The following TLN2 variants were observed in gnomAD, a reference collection of about 807,000 sequenced individuals.
TLN2 encodes talin-2.
In TLN2, 118 loss-of-function variants were observed where a neutral mutation model predicts 294.7. That is an observed-to-expected ratio of 0.40 (90% CI 0.34 to 0.47). The LOEUF (loss-of-function observed/expected upper bound fraction) is 0.47. TLN2 is among the 20% of genes least tolerant of loss of function. TLN2 has a pLI of 0.84. For missense variants in TLN2, 3,083 were observed against 3,282.2 expected, an observed-to-expected ratio of 0.94 and a Z score of 1.48; for synonymous variants, 1,431 against 1,304.5, an observed-to-expected ratio of 1.10 and a Z score of -2.09.
At chr15:62,504,479 A>G (rs1323288054) in intron 1 of TLN2, among the ~76,000 whole-genome samples, 4 of 152,234 alleles carry the variant, frequency 2.6e-5, no homozygotes, top group African/African-American at 9.6e-5. Context: ...AAAAGCAGCC[A>G]TATTAGATGG....
chr15:62,782,292 A>G (rs2064245299), intron 44 of TLN2, among the ~76,000 whole-genome samples: 1 of 152,178 alleles, frequency 6.6e-6, no homozygotes, highest in East Asian at 1.9e-4. Flanking sequence ...GGGCTGGGGA[A>G]TGGTACACCC....
chr15:62,728,391 G>T (rs11071689), intron 28 of TLN2, among the ~76,000 whole-genome samples: 145,322 of 152,252 alleles, frequency 0.95, 69,490 homozygotes, highest in East Asian at 1. Flanking sequence ...TTGGGTTGTT[G>T]CCAAAAGACA....
Position 62,635,953 on chromosome 15 carries a change from C to T in TLN2, c.-36-11322C>T, listed in dbSNP as rs549055407. Among the ~76,000 whole-genome samples, 230 of 152,192 alleles carry T rather than the reference C, an allele frequency of 1.5e-3. 2 individuals are homozygous for T. The highest frequency in any genetic ancestry group is 3.4e-3 in the Middle Eastern group (1 of 294). ...GAACCCCCAGATCCGTGGCCTTGGT[C>T]GAGTTCACATGACTACTCTGTTTTG... On this transcript the variant is annotated intron_variant, in intron 3 of 58. Coordinates refer to ENST00000636159, the MANE Select transcript of TLN2 (RefSeq NM_015059.3).
intron 1 of TLN2, among the ~76,000 whole-genome samples, chr15:62,516,170 T>C (rs574698547): frequency 1.3e-5 from 2 of 152,230 alleles, no homozygotes; most frequent in Non-Finnish European, 2.9e-5. Flanking sequence ...TGCTGCCGTT[T>C]CCGTTGCAGC....
intron 1 of TLN2, among the ~76,000 whole-genome samples, chr15:62,490,730 C>T (rs185326090): frequency 1.4e-4 from 21 of 152,234 alleles, no homozygotes; most frequent in Admixed American, 1.3e-3. Context: ...GCCAGGTATA[C>T]ATCACTTTTT....
chr15:62,410,875 A>G (rs892243641), intron 1 of TLN2, among the ~76,000 whole-genome samples: 4 of 152,246 alleles, frequency 2.6e-5, no homozygotes, highest in South Asian at 2.1e-4. Flanking sequence ...CTCCTAGGCC[A>G]GTGCCCTTCC....
chr15:62,571,022 G>T (rs1443181894), intron 1 of TLN2, among the ~76,000 whole-genome samples: 1 of 151,966 alleles, frequency 6.6e-6, no homozygotes, highest in Non-Finnish European at 1.5e-5. Context: ...AGTCAGCCTG[G>T]TCATAATGTG....
intron 1 of TLN2, among the ~76,000 whole-genome samples, chr15:62,416,795 A>G (rs753436547): frequency 6.6e-6 from 1 of 152,124 alleles, no homozygotes; most frequent in African/African-American, 2.4e-5. Flanking sequence ...GAAGGCTCCT[A>G]GAAGACCGGG....
intron 11 of TLN2, among the ~76,000 whole-genome samples, chr15:62,680,727 C>T (rs973323267): frequency 2.6e-5 from 4 of 151,880 alleles, no homozygotes; most frequent in African/African-American, 9.7e-5. Flanking sequence ...ATCTGTAGCC[C>T]CACTCCCACC....
rs138352506 is a variant in TLN2, at chr15:62,697,747, C to T, written c.1352C>T (p.Ala451Val). Residue 451 changes from alanine (A) to valine (V), a missense_variant, in exon 15 of 59, where the codon GCG (alanine) becomes GTG (valine). Ala to Val is a moderately conservative substitution (Grantham distance 64). Coordinates refer to ENST00000636159, the MANE Select transcript of TLN2 (RefSeq NM_015059.3). Reference protein sequence around the residue: ...RTGKAEHGSVALPAVMRSGSS... With the variant: ...RTGKAEHGSVVLPAVMRSGSS... ...GGGAAGGCAGAGCACGGCTCAGTGGCGCTGCCGGCCGTGATGCGCTCGGGC... is the reference window on the plus strand; with the variant it reads ...GGGAAGGCAGAGCACGGCTCAGTGGTGCTGCCGGCCGTGATGCGCTCGGGC... 217 of 1,611,918 alleles carry T rather than the reference C, an allele frequency of 1.3e-4. No individual in the cohort carries two copies. The African/African-American group carries it at 1.5e-3, about 11-fold the overall frequency.
At chr15:62,400,409 T>A (rs1159668105) in intron 1 of TLN2, among the ~76,000 whole-genome samples, 2 of 152,358 alleles carry the variant, frequency 1.3e-5, no homozygotes, top group East Asian at 1.9e-4. Flanking sequence ...AAATTAATAT[T>A]TGAGTCATGT....
intron 1 of TLN2, among the ~76,000 whole-genome samples, chr15:62,403,772 T>C (rs536692301): frequency 6.6e-6 from 1 of 152,288 alleles, no homozygotes; most frequent in Non-Finnish European, 1.5e-5. Context: ...CTCTCACCTT[T>C]CTCTTCATTA....
At position 62,708,488 on chromosome 15, in the gene TLN2, C is replaced by T. The variant is rs1595738969; in HGVS notation, c.2173-14C>T. 6.2e-7 allele frequency: 1 copy of T among 1,609,370 alleles called. No individual in the cohort carries two copies. The highest frequency in any genetic ancestry group is 1.7e-5 in the Admixed American group (1 of 59,956). On this transcript the variant is annotated splice_polypyrimidine_tract_variant and intron_variant, in intron 20 of 58. Transcript: ENST00000636159. The stretch of plus-strand genomic sequence containing the variant: ...CAACCACAGTGCCCAAAACCTGTTC[C>T]TGTCTCACTTCAGGTTGTGAGCCCC...
intron 1 of TLN2, among the ~76,000 whole-genome samples, chr15:62,454,941 G>T (rs1025194833): frequency 3.3e-5 from 5 of 152,236 alleles, no homozygotes; most frequent in Admixed American, 3.3e-4. Context: ...CCCAGTCCCA[G>T]GTCCCTCCAC....
chr15:62,505,887 C>G (rs1012351482), intron 1 of TLN2, among the ~76,000 whole-genome samples: 3 of 152,128 alleles, frequency 2.0e-5, no homozygotes, highest in Non-Finnish European at 4.4e-5. Flanking sequence ...CCTGAACTTA[C>G]ATTAGCCAAA....
At chr15:62,814,193 AG>A (rs2066902641) in intron 52 of TLN2, among the ~76,000 whole-genome samples, 1 of 152,218 alleles carries the variant, frequency 6.6e-6, no homozygotes. Context: ...AACCAGTAGA[AG>A]GCAGGAAAAA....
chr15:62,802,143 G>A (rs780660184), intron 50 of TLN2, among the ~76,000 whole-genome samples: 5 of 149,544 alleles, frequency 3.3e-5, no homozygotes, highest in Non-Finnish European at 7.4e-5. Flanking sequence ...CTCTGGCAAC[G>A]ATCCTTCTAC....
chr15:62,651,061 T>C (rs1244227913), intron 5 of TLN2, among the ~76,000 whole-genome samples: 3 of 152,180 alleles, frequency 2.0e-5, no homozygotes, highest in East Asian at 1.9e-4. Context: ...ATAGTAAAAA[T>C]TAAAAATATT....
chr15:62,834,402 T>C (rs1046470788), intron 55 of TLN2: 2 of 152,298 alleles, frequency 1.3e-5, no homozygotes, highest in Non-Finnish European at 2.9e-5. Context: ...CATTCATTTC[T>C]GTTTGATATT....
Sources: allele counts gnomAD v4.1 joint callset (sites outside exome capture counted in the v4.1 genomes callset), GRCh38; gene constraint gnomAD v4.1.1; transcripts MANE v1.5; gene names NCBI Gene and HGNC (gene_info 2026-07-23, HGNC 2026-07-21).